Variants in TRIM77 observed in about 807,000 individuals in gnomAD.
TRIM77 encodes tripartite motif-containing protein 77.
Under a neutral mutation model 31.8 loss-of-function variants are expected in TRIM77, and 23 were observed. The ratio of observed to expected loss-of-function variants is 0.72; its 90% CI spans 0.52 to 1.02. TRIM77 has a LOEUF of 1.02. TRIM77 is among the 50% of genes least tolerant of loss of function. TRIM77 has a pLI of 0.00. For missense variants in TRIM77, 446 were observed against 539.2 expected (o/e 0.83, Z 1.71); for synonymous variants, 159 against 183.1 (o/e 0.87, Z 1.06).
rs184371065 is a variant in TRIM77 at position 89,715,263 on chromosome 11, G to A, written c.761+83G>A. ...GCTGGGATCGACCCACACTTTTAGT[G>A]AGGAATTTCTGTCTGTATTTATTCC... is the stretch of plus-strand genomic sequence containing the variant. On this transcript the variant is annotated intron_variant, in intron 4 of 5. Transcript: ENST00000398290. 3.6e-4 allele frequency: 454 copies of A among 1,260,580 alleles called. 3 individuals carry two copies. The highest frequency in any genetic ancestry group is 1.3e-3 in the South Asian group (102 of 76,810). The allele number at this position is 1,260,580 out of a possible 1,614,324, so 78.1% of individuals were successfully genotyped here.
chr11:89,715,265 G>A, intron 4 of TRIM77, 85 bp downstream of exon 4: 3 of 1,235,516 alleles, frequency 2.4e-6, no homozygotes, highest in African/African-American at 1.5e-5. Flanking sequence ...CTTTTAGTGA[G>A]GAATTTCTGT....
chr11:89,715,525 ACAT>A (rs1423131130), intron 4 of TRIM77, among the ~76,000 whole-genome samples: 1 of 152,196 alleles, frequency 6.6e-6, no homozygotes, highest in African/African-American at 2.4e-5. Flanking sequence ...GAGAAAGGGA[ACAT>A]CACCAAGAAG....
chr11:89,717,332 A>G, intron 5 of TRIM77, 47 bp from the exon 6 acceptor site: 1 of 1,478,358 alleles, frequency 6.8e-7, no homozygotes, highest in Non-Finnish European at 9.0e-7. Context: ...CTGTACCTCC[A>G]AACTTTTAAA....
chr11:89,716,975 AC>A (rs1358342931), intron 5 of TRIM77, among the ~76,000 whole-genome samples: 16 of 142,110 alleles, frequency 1.1e-4, no homozygotes, highest in Non-Finnish European at 2.3e-4. Flanking sequence ...TCAGAGCTTG[AC>A]ATCCTACATC....
Position 89,710,478 on chromosome 11 carries a change from G to A in TRIM77, c.180G>A (p.Gln60=), listed in dbSNP as rs1949114368. ...GCCCTGTGTGCAGGGAAATATCACA[G>A]CAAATGTACTTCAAACGCATTATTT... ...NCCPVCREIS[Q]QMYFKRIIFA... The change falls in exon 1 of 6, where the codon CAG becomes CAA. Residue 60 remains glutamine (Q), a synonymous_variant. Transcript: ENST00000398290. The A allele has an allele frequency of 2.6e-6, 4 of 1,551,372 alleles. No homozygotes were observed. Among genetic ancestry groups the A allele is most frequent in the Admixed American group, 2.0e-5 (1 of 50,986 alleles).
rs1203933862 is a variant in TRIM77 at position 89,717,820 on chromosome 11, C to G, written c.1301C>G (p.Ser434Ter). 6.5e-7 allele frequency: 1 copy of G among 1,549,792 alleles called. No homozygotes were observed. The highest frequency in any genetic ancestry group is 1.4e-5 in the African/African-American group (1 of 72,930). Residue 434 changes from serine (S) to a stop codon, truncating the protein, a stop_gained, in exon 6 of 6, where the codon TCA becomes TGA. Transcript: ENST00000398290. LOFTEE classifies it low-confidence loss of function (END_TRUNC). ...AQSSLICSFL[S>*]RIFYFPLRPF... ...AGTTCCCTCATTTGTAGTTTCCTCT[C>G]ACGCATCTTCTATTTTCCTCTCAGA...
intron 2 of TRIM77, among the ~76,000 whole-genome samples, chr11:89,711,719 GT>G (rs1949123822): frequency 2.0e-5 from 3 of 152,116 alleles, no homozygotes; most frequent in African/African-American, 7.2e-5. Flanking sequence ...GAATAAAGCA[GT>G]ATCTACCAAT....
At chr11:89,710,843 A>G in intron 1 of TRIM77, 134 bp downstream of exon 1, 2 of 760,648 alleles carry the variant, frequency 2.6e-6, no homozygotes, top group East Asian at 5.4e-5. Context: ...TTATGACCAT[A>G]AATTAGACAC....
chr11:89,712,601 A>T (rs1360376493), intron 2 of TRIM77, among the ~76,000 whole-genome samples: 1 of 152,220 alleles, frequency 6.6e-6, no homozygotes, highest in Non-Finnish European at 1.5e-5. Context: ...GTGGCTTTGT[A>T]AGAATGTATT....
At chr11:89,713,767 C>T (rs1054463075) in intron 2 of TRIM77, among the ~76,000 whole-genome samples, 18 of 152,024 alleles carry the variant, frequency 1.2e-4, no homozygotes, top group Admixed American at 3.9e-4. Context: ...CTGGTAAAAG[C>T]ACCGAGTGTT....
Position 89,717,829 on chromosome 11 carries a change from T to C in TRIM77, c.1310T>C (p.Phe437Ser). The C allele has an allele frequency of 1.9e-6, 3 of 1,548,898 alleles. No individual in the cohort carries two copies. Among genetic ancestry groups the C allele is most frequent in the Non-Finnish European group, 2.6e-6 (3 of 1,145,610 alleles). Residue 437 changes from phenylalanine to serine, a missense_variant, in exon 6 of 6, where the codon TTC (phenylalanine) becomes TCC (serine). Physicochemically the swap from Phe to Ser is radical, Grantham distance 155. This residue lies in a region of TRIM77 where 366 missense variants were observed against 447.9 expected (regional missense o/e 0.82). Transcript: ENST00000398290. Reference sequence around the variant, plus strand: ...ATTTGTAGTTTCCTCTCACGCATCTTCTATTTTCCTCTCAGACCTTTCATT... The same window carrying C: ...ATTTGTAGTTTCCTCTCACGCATCTCCTATTTTCCTCTCAGACCTTTCATT... ...SLICSFLSRI[F>S]YFPLRPFICH... is the part of the protein sequence containing the mutation.
At chr11:89,713,455 CAATAATAATAATAATAATAATAATAAT>C (rs71052248) in intron 2 of TRIM77, among the ~76,000 whole-genome samples, 3 of 122,386 alleles carry the variant, frequency 2.5e-5, no homozygotes, top group East Asian at 2.4e-4. Flanking sequence ...GACCTTGTCT[CAATAATAATAATAATAATAATAATAAT>C]AATAATAATA....
At chr11:89,715,075 C>T in intron 3 of TRIM77, 83 bp from the exon 4 acceptor site, 1 of 1,354,916 alleles carries the variant, frequency 7.4e-7, no homozygotes, top group Non-Finnish European at 1.0e-6. Flanking sequence ...CCAATTCAGT[C>T]CATATCCTCA....
intron 2 of TRIM77, among the ~76,000 whole-genome samples, chr11:89,713,449 T>A (rs1051762393): frequency 4.4e-5 from 5 of 112,556 alleles, no homozygotes; most frequent in African/African-American, 1.7e-4. Flanking sequence ...AACTGAGACC[T>A]TGTCTCAATA....
chr11:89,716,427 A>C (rs1949161447), intron 5 of TRIM77, among the ~76,000 whole-genome samples: 1 of 152,188 alleles, frequency 6.6e-6, no homozygotes, highest in Admixed American at 6.5e-5. Context: ...CATTTGAAAA[A>C]CCACAGGATT....
rs11018744 is a variant in TRIM77 at position 89,710,309 on chromosome 11, C to G, written c.11C>G (p.Ala4Gly). The change falls in exon 1 of 6, where the codon GCT becomes GGT. Residue 4 changes from alanine to glycine, a missense_variant. Transcript: ENST00000398290. MASAITQCSTSELT... is the reference protein window; with the variant it reads MASGITQCSTSELT... Reference sequence around the variant, plus strand: ...TATTTCCTCAGAAACATGGCTTCTGCTATCACGCAGTGTTCTACCAGTGAG... The same window carrying G: ...TATTTCCTCAGAAACATGGCTTCTGGTATCACGCAGTGTTCTACCAGTGAG... 6.6e-7 allele frequency: 1 copy of G among 1,518,470 alleles called. No homozygotes were observed. The highest frequency in any genetic ancestry group is 8.9e-7 in the Non-Finnish European group (1 of 1,122,020). The allele number at this position is 1,518,470 out of a possible 1,614,324, so 94.1% of individuals were successfully genotyped here.
rs368569323 is a variant in TRIM77 at position 89,715,454 on chromosome 11, T to C, written c.761+274T>C. Among the ~76,000 whole-genome samples the C allele has an allele frequency of 1.8e-4, 27 of 152,252 alleles. 1 individual carries two copies. The East Asian group carries it at 3.3e-3, about 19-fold the overall frequency. On this transcript the variant is annotated intron_variant, in intron 4 of 5. Transcript: ENST00000398290. The stretch of plus-strand genomic sequence containing the variant: ...CTAATTATTTGAAGGTTATTCCAGG[T>C]TGTCAATGGGAAAGGCAAATAATCT...
At chr11:89,713,549 G>A (rs1591484756) in intron 2 of TRIM77, among the ~76,000 whole-genome samples, 1 of 150,980 alleles carries the variant, frequency 6.6e-6, no homozygotes, top group Non-Finnish European at 1.5e-5. Context: ...CACAGTGACA[G>A]AAAGACAGAG....
Position 89,715,936 on chromosome 11 carries a change from C to G in TRIM77, c.808C>G (p.Leu270Val). ...CATGCCTCAGCCTGTGAACCCACAGCTCAGTGCATGGACCATCACTGGGGT... is the reference window on the plus strand; with the variant it reads ...CATGCCTCAGCCTGTGAACCCACAGGTCAGTGCATGGACCATCACTGGGGT... ...LAMPQPVNPQ[L>V]SAWTITGVSE... Residue 270 changes from leucine (L) to valine (V), a missense_variant, in exon 5 of 6, where the codon CTC (leucine) becomes GTC (valine). Physicochemically the swap from Leu to Val is conservative, Grantham distance 32. Coordinates refer to ENST00000398290, the MANE Select transcript of TRIM77 (RefSeq NM_001146162.1). The G allele has an allele frequency of 6.5e-7, 1 of 1,547,994 alleles. No homozygotes were observed. Among genetic ancestry groups the G allele is most frequent in the Non-Finnish European group, 8.7e-7 (1 of 1,144,152 alleles).
Sources: allele counts gnomAD v4.1 joint callset (sites outside exome capture counted in the v4.1 genomes callset), GRCh38; gene constraint gnomAD v4.1.1; regional missense constraint gnomAD v4.1.1; transcripts MANE v1.5; gene names NCBI Gene and HGNC (gene_info 2026-07-23, HGNC 2026-07-21).